Variants in SLC24A3 observed in about 807,000 individuals in gnomAD.
The protein encoded by SLC24A3 is solute carrier family 24 member 3.
A neutral mutation model predicts 75.8 loss-of-function variants in SLC24A3; 28 were observed. The ratio of observed to expected loss-of-function variants is 0.37; its 90% CI spans 0.27 to 0.51. The LOEUF is 0.51. Among genes scored for constraint, SLC24A3 ranks in the 20% least tolerant of loss-of-function variants. The pLI is 0.94. For missense variants in SLC24A3, 663 were observed against 847.8 expected, an observed-to-expected ratio of 0.78 and a Z score of 2.71; for synonymous variants, 372 against 334.1, an observed-to-expected ratio of 1.11 and a Z score of -1.24.
chr20:19,654,172 C>G (rs749173813), intron 7 of SLC24A3, 36 bp downstream of exon 7: 21 of 1,594,030 alleles, frequency 1.3e-5, no homozygotes, highest in African/African-American at 5.4e-5. Flanking sequence ...CCCATCAGTG[C>G]TCTTTTAAGC....
intron 2 of SLC24A3, among the ~76,000 whole-genome samples, chr20:19,291,044 T>C (rs1983929554): frequency 6.6e-6 from 1 of 152,176 alleles, no homozygotes; most frequent in Non-Finnish European, 1.5e-5. Context: ...CTTGTCCTAT[T>C]TGTGGGTCTA....
chr20:19,225,371 A>T (rs1410245308), intron 1 of SLC24A3, among the ~76,000 whole-genome samples: 3 of 152,212 alleles, frequency 2.0e-5, no homozygotes, highest in African/African-American at 4.8e-5. Context: ...GGCCATGTGC[A>T]GGAAGAAAGT....
chr20:19,426,859 T>C (rs1392134867), intron 2 of SLC24A3, among the ~76,000 whole-genome samples: 1 of 150,834 alleles, frequency 6.6e-6, no homozygotes, highest in Admixed American at 6.6e-5. Context: ...GACTGGGGAG[T>C]GAGAGGAGGG....
chr20:19,374,955 C>A (rs1207349257), intron 2 of SLC24A3, among the ~76,000 whole-genome samples: 1 of 152,156 alleles, frequency 6.6e-6, no homozygotes, highest in Non-Finnish European at 1.5e-5. Context: ...ACCCCTTGGG[C>A]AAGGTAACAC....
At chr20:19,252,647 G>GC (rs1555783976) in intron 1 of SLC24A3, among the ~76,000 whole-genome samples, 1 of 148,088 alleles carries the variant, frequency 6.8e-6, no homozygotes, top group Non-Finnish European at 1.5e-5. Flanking sequence ...GAATGGCGGG[G>GC]GGGGGTGCCT....
chr20:19,645,666 C>A (rs999494538), intron 6 of SLC24A3, among the ~76,000 whole-genome samples: 3 of 151,826 alleles, frequency 2.0e-5, no homozygotes, highest in Admixed American at 6.6e-5. Context: ...TGTGGACATC[C>A]CCCCTAAAAA....
rs7274207 is a variant in SLC24A3, at chr20:19,614,129, G to C, written c.612+28585G>C. Among the ~76,000 whole-genome samples the C allele has an allele frequency of 0.019, 2,928 of 152,262 alleles. 226 individuals are homozygous for C. The East Asian group carries it at 0.28, about 14-fold the overall frequency. On this transcript the variant is annotated intron_variant, in intron 6 of 16. Transcript: ENST00000328041. ...TTTAAGAGATTGCAATTGAGAGTGT[G>C]ATTAAGAGCTTGAGATTTACAGCCA...
intron 1 of SLC24A3, among the ~76,000 whole-genome samples, chr20:19,222,604 T>C (rs1246431792): frequency 6.6e-6 from 1 of 152,192 alleles, no homozygotes; most frequent in East Asian, 1.9e-4. Context: ...GGAAGGTTTT[T>C]TCAACAGAAA....
At chr20:19,446,622 C>T (rs988111743) in intron 2 of SLC24A3, among the ~76,000 whole-genome samples, 36 of 152,212 alleles carry the variant, frequency 2.4e-4, no homozygotes, top group African/African-American at 8.2e-4. Context: ...TTTATGTGAC[C>T]TTGACTCATT....
At chr20:19,238,611 C>G (rs968875576) in intron 1 of SLC24A3, among the ~76,000 whole-genome samples, 9 of 152,202 alleles carry the variant, frequency 5.9e-5, no homozygotes, top group African/African-American at 2.2e-4. Context: ...TGGGTTTGAA[C>G]TTCACAGTCA....
intron 3 of SLC24A3, among the ~76,000 whole-genome samples, chr20:19,536,559 C>T (rs2030401211): frequency 6.6e-6 from 1 of 152,290 alleles, no homozygotes; most frequent in South Asian, 2.1e-4. Flanking sequence ...AAAGAGTCCG[C>T]ATTGCCAAGT....
intron 8 of SLC24A3, among the ~76,000 whole-genome samples, chr20:19,670,205 G>A (rs960473808): frequency 3.7e-4 from 57 of 152,108 alleles, no homozygotes; most frequent in African/African-American, 1.3e-3. Context: ...CTGAGGAGAG[G>A]GGGTGGGGGG....
rs376290009 is a variant in SLC24A3, at chr20:19,414,504, TG to T, written c.272-100983del. ...ATGTGTGTAAAGAGTTTGTGTGGCA[TG>T]AAAAAACTTTTAAGATATAACATTA... On this transcript the variant is annotated intron_variant, in intron 2 of 16. Transcript: ENST00000328041. Among the ~76,000 whole-genome samples, 15 of 152,288 alleles carry T rather than the reference TG, an allele frequency of 9.8e-5. No homozygotes were observed. The East Asian group carries it at 2.5e-3, about 25-fold the overall frequency.
chr20:19,554,732 CA>C (rs2030756128), intron 3 of SLC24A3, among the ~76,000 whole-genome samples: 1 of 152,212 alleles, frequency 6.6e-6, no homozygotes, highest in Non-Finnish European at 1.5e-5. Context: ...GCTCCAGAGG[CA>C]GCAGGCAGAG....
rs547256276 is a variant in SLC24A3, at chr20:19,293,095, C to A, written c.271+12008C>A. Among the ~76,000 whole-genome samples, 12 of 152,216 alleles carry A rather than the reference C, an allele frequency of 7.9e-5. 1 individual carries two copies. The South Asian group carries it at 2.5e-3, about 32-fold the overall frequency. ...AAGCATGAAGACCATAGCACCCTTG[C>A]ATCCGTAGGACCATTGAGGTGGGAG... is the stretch of plus-strand genomic sequence containing the variant. On this transcript the variant is annotated intron_variant, in intron 2 of 16. Transcript: ENST00000328041.
intron 2 of SLC24A3, among the ~76,000 whole-genome samples, chr20:19,351,113 AG>A (rs1184394168): frequency 6.6e-6 from 1 of 152,144 alleles, no homozygotes; most frequent in Non-Finnish European, 1.5e-5. Flanking sequence ...TGGCCTCCAT[AG>A]GGTCTCTTGG....
chr20:19,221,381 C>G lies in SLC24A3; in HGVS notation c.142+8397C>G, dbSNP rs144828530. Among the ~76,000 whole-genome samples, 105 of 152,302 alleles carry G rather than the reference C, an allele frequency of 6.9e-4. 1 individual carries two copies. Among genetic ancestry groups the G allele is most frequent in the African/African-American group, 2.1e-3 (87 of 41,576 alleles). ...TCTTCCCATTGCCCTTCAGCTTCAT[C>G]CTGCATATTTCTTTTAACTTTCCCT... On this transcript the variant is annotated intron_variant, in intron 1 of 16. Coordinates refer to ENST00000328041, the MANE Select transcript of SLC24A3 (RefSeq NM_020689.4).
intron 7 of SLC24A3, among the ~76,000 whole-genome samples, chr20:19,658,280 C>T (rs1376300500): frequency 6.9e-6 from 1 of 144,566 alleles, no homozygotes; most frequent in Non-Finnish European, 1.6e-5. Context: ...GTCAGGAAAG[C>T]GCCAATAGAG....
chr20:19,487,422 CT>C (rs1224893856), intron 2 of SLC24A3, among the ~76,000 whole-genome samples: 2 of 152,130 alleles, frequency 1.3e-5, no homozygotes, highest in Non-Finnish European at 2.9e-5. Context: ...ATCTGATTGC[CT>C]TTTCCTGTAC....
Sources: allele counts gnomAD v4.1 joint callset (sites outside exome capture counted in the v4.1 genomes callset), GRCh38; gene constraint gnomAD v4.1.1; transcripts MANE v1.5; gene names NCBI Gene and HGNC (gene_info 2026-07-23, HGNC 2026-07-21).